The following OPCML variants were observed in gnomAD, a reference collection of about 807,000 sequenced individuals.
The protein encoded by OPCML is opioid binding protein/cell adhesion molecule like.
OPCML carries 13 observed loss-of-function variants against 37.8 expected under a neutral mutation model. The observed-to-expected ratio is 0.34, with a 90% CI of 0.22 to 0.55. OPCML has a LOEUF of 0.55. OPCML is among the 20% of genes least tolerant of loss of function. The pLI is 0.91. For synonymous variants in OPCML, 176 were observed against 168.8 expected (o/e 1.04, Z -0.33); for missense variants, 341 against 435.6 (o/e 0.78, Z 1.93).
intron 1 of OPCML, among the ~76,000 whole-genome samples, chr11:133,252,299 A>T (rs1034773751): frequency 6.6e-6 from 1 of 152,256 alleles, no homozygotes; most frequent in South Asian, 2.1e-4. Context: ...AATATTTAAC[A>T]TTAACGTTTC....
chr11:132,641,193 C>T (rs150429440), intron 3 of OPCML, among the ~76,000 whole-genome samples: 14 of 152,248 alleles, frequency 9.2e-5, no homozygotes, highest in African/African-American at 3.1e-4. Context: ...CCCCTCATGA[C>T]GGTAAAGTGG....
At chr11:132,581,172 G>C (rs2096461337) in intron 3 of OPCML, among the ~76,000 whole-genome samples, 1 of 152,174 alleles carries the variant, frequency 6.6e-6, no homozygotes, top group Non-Finnish European at 1.5e-5. Context: ...AGAATTACAT[G>C]ATGCTTCCTA....
intron 1 of OPCML, among the ~76,000 whole-genome samples, chr11:133,125,765 T>C (rs1218840660): frequency 1.0e-5 from 1 of 97,272 alleles, no homozygotes; most frequent in Non-Finnish European, 2.1e-5. Flanking sequence ...TACATGTATA[T>C]ATAGACACAT....
intron 1 of OPCML, among the ~76,000 whole-genome samples, chr11:133,078,697 GC>G (rs1478495395): frequency 1.5e-4 from 23 of 152,216 alleles, no homozygotes; most frequent in African/African-American, 4.8e-4. Flanking sequence ...ACCACGGGCA[GC>G]TCCCTGAGCG....
At chr11:133,343,696 G>A (rs896869172) in intron 1 of OPCML, among the ~76,000 whole-genome samples, 8 of 152,140 alleles carry the variant, frequency 5.3e-5, no homozygotes, top group African/African-American at 1.7e-4. Flanking sequence ...ACCTAGCACT[G>A]TAATGGATTT....
intron 4 of OPCML, among the ~76,000 whole-genome samples, chr11:132,499,890 A>G (rs1592271472): frequency 1.3e-5 from 2 of 152,328 alleles, no homozygotes; most frequent in South Asian, 4.1e-4. Context: ...ACATTCGAGG[A>G]CAATATGCTA....
At chr11:133,094,158 T>C (rs956287507) in intron 1 of OPCML, among the ~76,000 whole-genome samples, 5 of 152,228 alleles carry the variant, frequency 3.3e-5, no homozygotes, top group Admixed American at 3.3e-4. Context: ...TACTGAGTGA[T>C]GCGAGAGTAG....
At chr11:132,846,897 T>G (rs909232684) in intron 2 of OPCML, among the ~76,000 whole-genome samples, 57 of 152,184 alleles carry the variant, frequency 3.7e-4, no homozygotes, top group African/African-American at 1.3e-3. Context: ...TTCCTTGAGA[T>G]CCACATGATA....
At chr11:132,801,704 T>C (rs1266572355) in intron 2 of OPCML, among the ~76,000 whole-genome samples, 5 of 152,218 alleles carry the variant, frequency 3.3e-5, no homozygotes, top group Admixed American at 6.5e-5. Flanking sequence ...TTTCCATTTT[T>C]GTGTTTAAAA....
chr11:133,134,443 A>G (rs1325371809), intron 1 of OPCML, among the ~76,000 whole-genome samples: 2 of 152,138 alleles, frequency 1.3e-5, no homozygotes, highest in Admixed American at 1.3e-4. Context: ...CAGTCCTTCC[A>G]TTTCTTCGGA....
intron 4 of OPCML, among the ~76,000 whole-genome samples, chr11:132,484,546 G>T (rs1316635001): frequency 9.9e-5 from 15 of 152,174 alleles, no homozygotes; most frequent in Non-Finnish European, 4.4e-5. Flanking sequence ...AATACCATTT[G>T]ACCCAGCCAT....
intron 1 of OPCML, among the ~76,000 whole-genome samples, chr11:133,118,854 ACC>A (rs1356726258): frequency 2.0e-5 from 3 of 152,104 alleles, no homozygotes; most frequent in African/African-American, 7.2e-5. Flanking sequence ...TCCTGCACAG[ACC>A]CACACATGGA....
chr11:133,076,672 CAT>C (rs1347282836), intron 1 of OPCML, among the ~76,000 whole-genome samples: 6 of 151,982 alleles, frequency 3.9e-5, no homozygotes, highest in Non-Finnish European at 5.9e-5. Flanking sequence ...CGCATAGAAT[CAT>C]GTGTGAATGC....
At chr11:133,186,391 A>G (rs145271086) in intron 1 of OPCML, among the ~76,000 whole-genome samples, 56 of 152,152 alleles carry the variant, frequency 3.7e-4, no homozygotes, top group African/African-American at 1.3e-3. Context: ...TGACCTCCTT[A>G]CTGGGAAAAG....
chr11:132,598,218 T>C (rs2096495548), intron 3 of OPCML, among the ~76,000 whole-genome samples: 1 of 152,214 alleles, frequency 6.6e-6, no homozygotes, highest in Non-Finnish European at 1.5e-5. Flanking sequence ...GTATTAGCAA[T>C]TGCCAACCTC....
At chr11:132,849,916 T>A (rs978296214) in intron 2 of OPCML, among the ~76,000 whole-genome samples, 1 of 152,178 alleles carries the variant, frequency 6.6e-6, no homozygotes, top group Admixed American at 6.5e-5. Context: ...GTGTCATGGA[T>A]CTCTAAGTTC....
At chr11:133,334,708 C>A (rs771209782) in intron 1 of OPCML, among the ~76,000 whole-genome samples, 9 of 152,104 alleles carry the variant, frequency 5.9e-5, no homozygotes, top group Non-Finnish European at 1.3e-4. Flanking sequence ...TGTTAGGGTC[C>A]AGAACAAGCA....
chr11:132,486,412 T>A (rs1022247865), intron 4 of OPCML, among the ~76,000 whole-genome samples: 5 of 151,962 alleles, frequency 3.3e-5, no homozygotes, highest in South Asian at 4.2e-4. Context: ...TCTTCATTGT[T>A]AAAAAAAATG....
chr11:133,453,383 A>G (rs1946615812), intron 1 of OPCML, among the ~76,000 whole-genome samples: 1 of 152,218 alleles, frequency 6.6e-6, no homozygotes, highest in Admixed American at 6.5e-5. Context: ...CTAGAATGTT[A>G]AACTCTGACG....
Sources: allele counts gnomAD v4.1 joint callset (sites outside exome capture counted in the v4.1 genomes callset), GRCh38; gene constraint gnomAD v4.1.1; transcripts MANE v1.5; gene names NCBI Gene and HGNC (gene_info 2026-07-23, HGNC 2026-07-21).